Variants in EFCAB11 observed in about 807,000 individuals in gnomAD.
EFCAB11 encodes the protein EF-hand calcium binding domain 11.
EFCAB11 carries 14 observed loss-of-function variants against 23.0 expected under a neutral mutation model. The observed-to-expected ratio is 0.61, with a 90% CI of 0.40 to 0.95. EFCAB11 has a LOEUF of 0.95. Among genes scored for constraint, EFCAB11 ranks in the 40% least tolerant of loss-of-function variants. EFCAB11 has a pLI of 0.00. For synonymous variants in EFCAB11, 65 were observed against 66.6 expected (o/e 0.98, Z 0.11); for missense variants, 198 against 195.8 (o/e 1.01, Z -0.07).
intron 5 of EFCAB11, among the ~76,000 whole-genome samples, chr14:89,851,862 T>A (rs1357179498): frequency 6.6e-6 from 1 of 151,588 alleles, no homozygotes; most frequent in African/African-American, 2.4e-5. Context: ...GACGGAAGAG[T>A]CACCAAAGAA....
chr14:89,812,936 A>G (rs1217964379), intron 5 of EFCAB11, among the ~76,000 whole-genome samples: 1 of 152,220 alleles, frequency 6.6e-6, no homozygotes. Flanking sequence ...ATCAAAAATT[A>G]TAATAAAAGA....
intron 5 of EFCAB11, among the ~76,000 whole-genome samples, chr14:89,809,528 TGCTG>T (rs1281681221): frequency 2.2e-4 from 34 of 152,304 alleles, no homozygotes; most frequent in Admixed American, 2.0e-4. Context: ...TGTTGATCTG[TGCTG>T]GCTAAGTGAC....
chr14:89,855,988 C>T (rs1052920896), intron 5 of EFCAB11, among the ~76,000 whole-genome samples: 3 of 152,146 alleles, frequency 2.0e-5, no homozygotes, highest in African/African-American at 7.2e-5. Context: ...AATACTCCAT[C>T]GTATATATAC....
rs1338493926 is a variant in EFCAB11 at position 89,795,626 on chromosome 14, A to C, written c.*1617T>G. On this transcript the variant is annotated 3_prime_UTR_variant, in exon 6 of 6. Coordinates refer to ENST00000316738, the MANE Select transcript of EFCAB11 (RefSeq NM_145231.4). The stretch of plus-strand genomic sequence containing the variant: ...AAGTTGCAGTGAGCCGAGATCGCGC[A>C]CTGTACTCCAGCTTAGGTGACAAAG... The C allele has an allele frequency of 6.6e-6, 1 of 151,982 alleles. No individual in the cohort carries two copies. Among genetic ancestry groups the C allele is most frequent in the Non-Finnish European group, 1.5e-5 (1 of 68,004 alleles). The allele number at this position is 151,982 out of a possible 1,614,324, so 9.4% of individuals were successfully genotyped here.
intron 3 of EFCAB11, among the ~76,000 whole-genome samples, chr14:89,944,132 T>C (rs574484838): frequency 9.2e-5 from 14 of 152,346 alleles, no homozygotes; most frequent in Admixed American, 3.3e-4. Context: ...GACTGGACGA[T>C]TTACAAAAGA....
chr14:89,836,548 G>A, intron 5 of EFCAB11: 1 of 456,660 alleles, frequency 2.2e-6, no homozygotes, highest in African/African-American at 2.0e-5. Flanking sequence ...GGGGAGCAGG[G>A]CTAGGGACCA....
At chr14:89,851,092 G>C (rs543755346) in intron 5 of EFCAB11, among the ~76,000 whole-genome samples, 1 of 152,178 alleles carries the variant, frequency 6.6e-6, no homozygotes, top group African/African-American at 2.4e-5. Flanking sequence ...CCCTTGGAAG[G>C]TTACAGTAAA....
At chr14:89,849,073 G>A (rs772978002) in intron 5 of EFCAB11, among the ~76,000 whole-genome samples, 5 of 152,042 alleles carry the variant, frequency 3.3e-5, no homozygotes, top group Admixed American at 6.5e-5. Flanking sequence ...TAGTCCCCTG[G>A]ATATCCAACT....
intron 5 of EFCAB11, among the ~76,000 whole-genome samples, chr14:89,925,035 A>C (rs1222053840): frequency 6.6e-6 from 1 of 152,264 alleles, no homozygotes; most frequent in African/African-American, 2.4e-5. Context: ...TGAATGAAAA[A>C]ATACATAACA....
chr14:89,915,128 C>A (rs1889797627), intron 5 of EFCAB11, among the ~76,000 whole-genome samples: 1 of 152,170 alleles, frequency 6.6e-6, no homozygotes, highest in South Asian at 2.1e-4. Flanking sequence ...CTTCTCTGTA[C>A]ACATTATTAT....
At chr14:89,877,971 A>G (rs1359131848) in intron 5 of EFCAB11, among the ~76,000 whole-genome samples, 1 of 152,180 alleles carries the variant, frequency 6.6e-6, no homozygotes. Context: ...CTCAATAATA[A>G]AAGCCTGATT....
At chr14:89,943,075 G>A (rs975596821) in intron 3 of EFCAB11, among the ~76,000 whole-genome samples, 11 of 152,074 alleles carry the variant, frequency 7.2e-5, no homozygotes. Flanking sequence ...GGCAGCAACT[G>A]GGCCCTGCAA....
intron 3 of EFCAB11, among the ~76,000 whole-genome samples, chr14:89,939,048 G>A (rs889201122): frequency 1.3e-5 from 2 of 150,780 alleles, no homozygotes; most frequent in African/African-American, 4.9e-5. Flanking sequence ...TCAAACCCAG[G>A]CAGGAATTGT....
At chr14:89,870,895 G>A (rs759307821) in intron 5 of EFCAB11, among the ~76,000 whole-genome samples, 58 of 152,040 alleles carry the variant, frequency 3.8e-4, no homozygotes, top group African/African-American at 1.2e-3. Flanking sequence ...AGCCAAGATC[G>A]TGCCCCTGCA....
At chr14:89,945,197 C>CTCTT (rs1220500577) in intron 3 of EFCAB11, among the ~76,000 whole-genome samples, 1 of 151,624 alleles carries the variant, frequency 6.6e-6, no homozygotes, top group Non-Finnish European at 1.5e-5. Context: ...CTTGTTTGTC[C>CTCTT]TCTTTTCAAT....
chr14:89,921,545 T>A (rs1403325376), intron 5 of EFCAB11, among the ~76,000 whole-genome samples: 1 of 152,218 alleles, frequency 6.6e-6, no homozygotes, highest in Non-Finnish European at 1.5e-5. Context: ...GAGTGGGGCC[T>A]GAGATTAGGC....
intron 5 of EFCAB11, among the ~76,000 whole-genome samples, chr14:89,806,532 C>T (rs1471119934): frequency 1.3e-5 from 2 of 152,142 alleles, no homozygotes; most frequent in East Asian, 3.9e-4. Context: ...TCAAAGTGAA[C>T]ATCTTTGAAC....
intron 3 of EFCAB11, among the ~76,000 whole-genome samples, chr14:89,945,180 A>AT (rs1195265990): frequency 6.6e-6 from 1 of 151,476 alleles, no homozygotes; most frequent in Non-Finnish European, 1.5e-5. Flanking sequence ...TCAGCTTTTA[A>AT]TTTTTTCTTG....
intron 3 of EFCAB11, among the ~76,000 whole-genome samples, chr14:89,936,746 A>G (rs1890597658): frequency 6.6e-6 from 1 of 152,224 alleles, no homozygotes; most frequent in Non-Finnish European, 1.5e-5. Context: ...TTCCAAAGCC[A>G]ATACATAGTA....
Sources: gnomAD v4.1 joint callset for allele counts (sites outside exome capture counted in the v4.1 genomes callset) on GRCh38, gnomAD v4.1.1 for gene constraint, MANE v1.5 for transcripts, NCBI Gene and HGNC (gene_info 2026-07-23, HGNC 2026-07-21) for gene names.